Variants in CA5A observed in about 807,000 individuals in gnomAD.
CA5A encodes the protein carbonic anhydrase 5A, also known as carbonic anhydrase 5A, mitochondrial.
A neutral mutation model predicts 37.1 loss-of-function variants in CA5A; 28 were observed. That is an observed-to-expected ratio of 0.75 (90% CI 0.56 to 1.03). The LOEUF is 1.03. Ranked by LOEUF, CA5A falls within the 50% of genes least tolerant of loss-of-function variation. The pLI is 0.00. For missense variants in CA5A, 444 were observed against 399.9 expected, an observed-to-expected ratio of 1.11 and a Z score of -0.94; for synonymous variants, 171 against 158.4, an observed-to-expected ratio of 1.08 and a Z score of -0.60.
chr16:87,895,692 G>A (rs2055791653), intron 5 of CA5A, among the ~76,000 whole-genome samples: 1 of 152,158 alleles, frequency 6.6e-6, no homozygotes, highest in Non-Finnish European at 1.5e-5. Context: ...GTACTTTTTA[G>A]CTATGGTCCC....
chr16:87,912,073 G>A (rs1428381572), intron 2 of CA5A, among the ~76,000 whole-genome samples: 1 of 152,104 alleles, frequency 6.6e-6, no homozygotes, highest in Non-Finnish European at 1.5e-5. Flanking sequence ...AGGCTGAGGC[G>A]GGCAGATCAC....
At position 87,935,073 on chromosome 16, in the gene CA5A, C is replaced by T. The variant is rs552728502; in HGVS notation, c.142+1236G>A. 1.6e-4 allele frequency among the ~76,000 whole-genome samples: 25 copies of T among 152,376 alleles called. No individual in the cohort carries two copies. In the East Asian group the frequency reaches 4.4e-3, roughly 27 times the overall value. ...CCACCCCCATCTCGAGATAAGGACA[C>T]AGAGGCTTGGGGGTGAAGACCTGCC... On this transcript the variant is annotated intron_variant, in intron 1 of 6. Coordinates refer to ENST00000649794, the MANE Select transcript of CA5A (RefSeq NM_001739.2).
At chr16:87,891,979 G>C in intron 5 of CA5A, 25 bp from the exon 6 acceptor site, 1 of 1,511,388 alleles carries the variant, frequency 6.6e-7, no homozygotes, top group East Asian at 2.7e-5. Context: ...AGCACAGGAC[G>C]TGTCAGTCCT....
At chr16:87,904,057 C>A (rs1339656876) in intron 3 of CA5A, among the ~76,000 whole-genome samples, 1 of 152,108 alleles carries the variant, frequency 6.6e-6, no homozygotes, top group African/African-American at 2.4e-5. Flanking sequence ...TTAAGATGAT[C>A]TTAGCCGGGT....
chr16:87,904,404 T>C (rs2055927461), intron 3 of CA5A, among the ~76,000 whole-genome samples: 1 of 152,006 alleles, frequency 6.6e-6, no homozygotes, highest in Non-Finnish European at 1.5e-5. Context: ...TGATCTCTAT[T>C]GCAAAGATGT....
rs1191224072 is a variant in CA5A, at chr16:87,888,221, T to A, written c.826A>T (p.Met276Leu). ...LFSALGEEEK[M>L]MVNNYRPLQP... is the part of the protein sequence containing the mutation. ...AGTGGGCGATAGTTGTTCACCATCA[T>A]CTTCTCCTCTTCACCAAGTGCAGAA... The change falls in exon 7 of 7, where the codon ATG becomes TTG. Residue 276 changes from methionine to leucine, a missense_variant. Met to Leu is a conservative substitution (Grantham distance 15). Transcript: ENST00000649794. The A allele has an allele frequency of 1.5e-5, 24 of 1,613,808 alleles. No homozygotes were observed. Among genetic ancestry groups the A allele is most frequent in the Non-Finnish European group, 1.9e-5 (23 of 1,179,854 alleles).
chr16:87,915,365 C>T (rs545882334), intron 2 of CA5A, among the ~76,000 whole-genome samples: 8 of 152,018 alleles, frequency 5.3e-5, no homozygotes, highest in South Asian at 2.1e-4. Flanking sequence ...CATTGTAGAA[C>T]GATGTTTACA....
chr16:87,916,726 G>C (rs2056148218), intron 2 of CA5A, among the ~76,000 whole-genome samples: 1 of 152,206 alleles, frequency 6.6e-6, no homozygotes, highest in Non-Finnish European at 1.5e-5. Flanking sequence ...TGTCTTGATT[G>C]ATCCTTCCTC....
intron 2 of CA5A, among the ~76,000 whole-genome samples, chr16:87,925,782 A>G (rs2056297553): frequency 6.6e-6 from 1 of 152,090 alleles, no homozygotes; most frequent in African/African-American, 2.4e-5. Context: ...GGTGGCTTTC[A>G]GGACCTCTCA....
intron 2 of CA5A, among the ~76,000 whole-genome samples, chr16:87,925,881 C>T (rs1567535459): frequency 6.6e-6 from 1 of 152,246 alleles, no homozygotes; most frequent in African/African-American, 2.4e-5. Context: ...TGCTCCCCTC[C>T]AGCCGCCTGC....
intron 6 of CA5A, among the ~76,000 whole-genome samples, chr16:87,889,062 G>A (rs929429346): frequency 6.6e-6 from 1 of 152,028 alleles, no homozygotes; most frequent in Non-Finnish European, 1.5e-5. Flanking sequence ...TGGGCTTACA[G>A]GCATGCACCA....
rs1472298689 is a variant in CA5A at position 87,932,742 on chromosome 16, G to A, written c.142+3567C>T. Among the ~76,000 whole-genome samples, 6 of 151,886 alleles carry A rather than the reference G, an allele frequency of 4.0e-5. No individual in the cohort carries two copies. In the East Asian group the frequency reaches 7.7e-4, roughly 19 times the overall value. ...GCCAGTATTTGCCCCTAATTCACAC[G>A]GGCGCAGTCTGGAAGGAGACCCCAT... On this transcript the variant is annotated intron_variant, in intron 1 of 6. Transcript: ENST00000649794.
chr16:87,929,871 C>CAAAA (rs58941982), intron 1 of CA5A, among the ~76,000 whole-genome samples: 15,719 of 61,926 alleles, frequency 0.25, 4,492 homozygotes, highest in African/African-American at 0.35. Flanking sequence ...GACTCCGTCT[C>CAAAA]AAAAAAAAAA....
intron 5 of CA5A, among the ~76,000 whole-genome samples, chr16:87,895,826 G>C (rs2055794066): frequency 6.6e-6 from 1 of 152,158 alleles, no homozygotes; most frequent in Non-Finnish European, 1.5e-5. Flanking sequence ...CCACACCGCA[G>C]CATGAGTTAG....
In CA5A at chr16:87,911,709, C is replaced by G. The variant is rs1275844274; in HGVS notation, c.341-6805G>C. On this transcript the variant is annotated intron_variant, in intron 2 of 6. Coordinates refer to ENST00000649794, the MANE Select transcript of CA5A (RefSeq NM_001739.2). The surrounding 1 kb of genome is among the most constrained non-coding windows in gnomAD (Gnocchi z 4.6). ...GAACTCCGCGACGATGGAACCTAGA[C>G]TGCTCCCTGGAAGTTAGCCTCTGAG... is the stretch of plus-strand genomic sequence containing the variant. Among the ~76,000 whole-genome samples the G allele has an allele frequency of 1.3e-5, 2 of 152,200 alleles. No homozygotes were observed. Among genetic ancestry groups the G allele is most frequent in the Non-Finnish European group, 2.9e-5 (2 of 68,046 alleles).
chr16:87,902,512 T>C lies in CA5A; in HGVS notation c.468A>G (p.Leu156=), dbSNP rs778597661. 15 of 1,522,528 alleles carry C rather than the reference T, an allele frequency of 9.9e-6. 1 individual carries two copies. The highest frequency in any genetic ancestry group is 1.3e-5 in the Non-Finnish European group (14 of 1,096,548). 94.3% of individuals were successfully genotyped at this position (1,522,528 alleles called of 1,614,324 possible). ...GGTATTTCACAGAATTCCAGTGAACTAAATGCAGCTGAAACACAATGGAAA... is the reference window on the plus strand; with the variant it reads ...GGTATTTCACAGAATTCCAGTGAACCAAATGCAGCTGAAACACAATGGAAA... ...DGHAYPAELH[L]VHWNSVKYQN... Residue 156 remains leucine (L), a synonymous_variant, in exon 4 of 7, where the codon TTA becomes TTG. Transcript: ENST00000649794.
At chr16:87,923,479 C>T (rs892315732) in intron 2 of CA5A, 36 of 912,266 alleles carry the variant, frequency 3.9e-5, no homozygotes, top group Non-Finnish European at 4.3e-5. Flanking sequence ...TGAGCCAGCT[C>T]GCCCAGCCTG....
At chr16:87,882,736 T>A (rs2143873181) in intron 4 of CA5A, 1 of 152,446 alleles carries the variant, frequency 6.6e-6, no homozygotes, top group East Asian at 1.9e-4. Flanking sequence ...AGCAGACTCC[T>A]CTTGATCGAT....
At chr16:87,928,327 C>G (rs887620991) in intron 1 of CA5A, among the ~76,000 whole-genome samples, 9 of 152,074 alleles carry the variant, frequency 5.9e-5, no homozygotes, top group Non-Finnish European at 1.2e-4. Flanking sequence ...CCATGCCTGG[C>G]TAACTTTTTC....
Sources: allele counts gnomAD v4.1 joint callset (sites outside exome capture counted in the v4.1 genomes callset), GRCh38; gene constraint gnomAD v4.1.1; non-coding constraint Gnocchi (gnomAD v3.1); transcripts MANE v1.5; gene names NCBI Gene and HGNC (gene_info 2026-07-23, HGNC 2026-07-21).